TTC39B: variants seen among roughly 807,000 people sequenced by gnomAD.
TTC39B encodes the protein tetratricopeptide repeat protein 39B.
A neutral mutation model predicts 96.6 loss-of-function variants in TTC39B; 92 were observed. The observed-to-expected ratio is 0.95, with a 90% CI of 0.80 to 1.13. The LOEUF (loss-of-function observed/expected upper bound fraction) is 1.13. Among genes scored for constraint, TTC39B ranks in the 50% most tolerant of loss-of-function variants. The pLI, the probability that TTC39B is intolerant of heterozygous loss-of-function variation, is 0.00. For synonymous variants in TTC39B, 367 were observed against 299.4 expected, an observed-to-expected ratio of 1.23 and a Z score of -2.33; for missense variants, 955 against 809.3, an observed-to-expected ratio of 1.18 and a Z score of -2.18.
At chr9:15,204,396 G>A (rs951531478) in intron 6 of TTC39B, among the ~76,000 whole-genome samples, 3 of 152,034 alleles carry the variant, frequency 2.0e-5, no homozygotes, top group African/African-American at 7.2e-5. Flanking sequence ...AGGCGTGGTG[G>A]CACATGCCTG....
chr9:15,277,159 T>G (rs1453831963), intron 1 of TTC39B, among the ~76,000 whole-genome samples: 2 of 152,332 alleles, frequency 1.3e-5, no homozygotes, highest in East Asian at 3.9e-4. Flanking sequence ...CTGGGCGCAG[T>G]GGCTCATGCC....
intron 2 of TTC39B, among the ~76,000 whole-genome samples, chr9:15,266,625 T>C (rs1160006159): frequency 6.6e-6 from 1 of 152,176 alleles, no homozygotes; most frequent in Non-Finnish European, 1.5e-5. Context: ...GTGGAAGTAC[T>C]GTAAAACAAA....
At chr9:15,173,459 T>C (rs1817766335) in intron 19 of TTC39B, among the ~76,000 whole-genome samples, 1 of 152,174 alleles carries the variant, frequency 6.6e-6, no homozygotes, top group Non-Finnish European at 1.5e-5. Flanking sequence ...TCACCAATGA[T>C]ACTCATGCTG....
At chr9:15,192,077 G>A (rs1362807865) in intron 9 of TTC39B, among the ~76,000 whole-genome samples, 1 of 152,136 alleles carries the variant, frequency 6.6e-6, no homozygotes, top group African/African-American at 2.4e-5. Context: ...GGCCATAGTG[G>A]CACATTCACT....
intron 3 of TTC39B, among the ~76,000 whole-genome samples, chr9:15,222,641 T>A (rs903162991): frequency 6.6e-6 from 1 of 152,192 alleles, no homozygotes; most frequent in Non-Finnish European, 1.5e-5. Context: ...GATTTCCCAA[T>A]GCCAACCTTG....
chr9:15,239,503 A>G (rs1821942667), intron 2 of TTC39B, among the ~76,000 whole-genome samples: 2 of 152,366 alleles, frequency 1.3e-5, no homozygotes, highest in Non-Finnish European at 2.9e-5. Flanking sequence ...TAGCAAAGTC[A>G]TAGAACCAAC....
intron 2 of TTC39B, among the ~76,000 whole-genome samples, chr9:15,260,281 T>C (rs1377947414): frequency 2.6e-5 from 4 of 151,702 alleles, no homozygotes; most frequent in African/African-American, 7.3e-5. Flanking sequence ...CATTGTGTTT[T>C]TTTTTTTTTC....
intron 17 of TTC39B, among the ~76,000 whole-genome samples, chr9:15,180,931 ATGTC>A (rs1012625200): frequency 3.9e-5 from 6 of 152,162 alleles, no homozygotes; most frequent in African/African-American, 7.2e-5. Flanking sequence ...TAAGTATGGC[ATGTC>A]TGTCTGTCTG....
intron 3 of TTC39B, among the ~76,000 whole-genome samples, chr9:15,220,111 G>A (rs538987557): frequency 6.6e-6 from 1 of 152,262 alleles, no homozygotes; most frequent in Non-Finnish European, 1.5e-5. Flanking sequence ...CAGAATGATG[G>A]GCAGACAAGT....
At chr9:15,239,992 T>C (rs533482218) in intron 2 of TTC39B, among the ~76,000 whole-genome samples, 2 of 152,306 alleles carry the variant, frequency 1.3e-5, no homozygotes, top group South Asian at 4.1e-4. Flanking sequence ...TTAATAGTAT[T>C]AGCTACATAG....
chr9:15,232,539 A>T (rs542105967), intron 2 of TTC39B: 1 of 152,262 alleles, frequency 6.6e-6, no homozygotes, highest in Non-Finnish European at 1.5e-5. Context: ...ATAAAAACTC[A>T]GAAACGGCAG....
At chr9:15,216,790 A>T (rs1820543426) in intron 3 of TTC39B, among the ~76,000 whole-genome samples, 1 of 152,232 alleles carries the variant, frequency 6.6e-6, no homozygotes, top group Non-Finnish European at 1.5e-5. Context: ...CTGGCGATAC[A>T]GCAATGAACA....
At chr9:15,270,221 G>A (rs549970757) in intron 1 of TTC39B, among the ~76,000 whole-genome samples, 1 of 152,162 alleles carries the variant, frequency 6.6e-6, no homozygotes, top group East Asian at 1.9e-4. Flanking sequence ...TTTGAGTTTG[G>A]GACCCTGACC....
chr9:15,273,501 T>C (rs544867837), intron 1 of TTC39B, among the ~76,000 whole-genome samples: 6 of 152,252 alleles, frequency 3.9e-5, no homozygotes, highest in African/African-American at 1.4e-4. Flanking sequence ...TTCCTCCTCC[T>C]CACCCTCAGC....
chr9:15,179,756 T>C lies in TTC39B; in HGVS notation c.1724-1942A>G, dbSNP rs79230662. On this transcript the variant is annotated intron_variant, in intron 17 of 19. Coordinates refer to ENST00000512701, the Ensembl canonical transcript of TTC39B. ...GACAGTTTGTATTATGACAACATTC[T>C]GGTGCTCTGTGAATGATGATTTTGT... Among the ~76,000 whole-genome samples the C allele has an allele frequency of 1.1e-3, 172 of 152,320 alleles. 2 individuals carry two copies. In the East Asian group the frequency reaches 0.03, roughly 26 times the overall value.
intron 2 of TTC39B, among the ~76,000 whole-genome samples, chr9:15,260,107 A>G (rs1822892100): frequency 6.6e-6 from 1 of 152,328 alleles, no homozygotes; most frequent in South Asian, 2.1e-4. Context: ...ATATTGCAAT[A>G]GAGCTGTTTA....
chr9:15,218,198 G>A (rs1415606797), intron 3 of TTC39B, among the ~76,000 whole-genome samples: 3 of 145,168 alleles, frequency 2.1e-5, no homozygotes, highest in African/African-American at 7.6e-5. Context: ...AAGCACTCCA[G>A]CATTTTTTGC....
At chr9:15,209,887 T>C (rs1820093796) in intron 6 of TTC39B, among the ~76,000 whole-genome samples, 1 of 152,216 alleles carries the variant, frequency 6.6e-6, no homozygotes, top group Admixed American at 6.5e-5. Context: ...ACCTTATGTG[T>C]ACCTTATTTA....
At chr9:15,166,671 AC>A (rs1329965152) in exon 20 of TTC39B, 1 of 152,100 alleles carries the variant, frequency 6.6e-6, no homozygotes, top group East Asian at 1.9e-4. Context: ...AGACAAAACT[AC>A]CAACAATAGG....
Sources: gnomAD v4.1 joint callset for allele counts (sites outside exome capture counted in the v4.1 genomes callset) on GRCh38, gnomAD v4.1.1 for gene constraint, MANE v1.5 for transcripts, NCBI Gene and HGNC (gene_info 2026-07-23, HGNC 2026-07-21) for gene names.